The following CWC25 variants were observed in gnomAD, a reference collection of about 807,000 sequenced individuals.
CWC25 encodes the protein CWC25 spliceosome associated protein.
A neutral mutation model predicts 54.6 loss-of-function variants in CWC25; 31 were observed. That is an observed-to-expected ratio of 0.57 (90% CI 0.43 to 0.77). The LOEUF (loss-of-function observed/expected upper bound fraction) is 0.77. Ranked by LOEUF, CWC25 falls within the 30% of genes least tolerant of loss-of-function variation. The probability of loss-of-function intolerance (pLI) is 0.00; values close to 1 mark genes in which losing one functional copy is unlikely to be tolerated. For missense variants in CWC25, 453 were observed against 529.3 expected, an observed-to-expected ratio of 0.86 and a Z score of 1.41; for synonymous variants, 151 against 187.0, an observed-to-expected ratio of 0.81 and a Z score of 1.57.
intron 8 of CWC25, among the ~76,000 whole-genome samples, chr17:38,805,678 G>A (rs936876284): frequency 6.6e-6 from 1 of 152,218 alleles, no homozygotes; most frequent in Middle Eastern, 3.4e-3. Context: ...TGTCGCCCAA[G>A]CAAGAATGCA....
At chr17:38,820,831 A>G (rs1911890694) in intron 2 of CWC25, 70 bp downstream of exon 2, 2 of 1,523,924 alleles carry the variant, frequency 1.3e-6, no homozygotes, top group Admixed American at 3.9e-5. Context: ...ATTATACAAC[A>G]CTGGATGATG....
chr17:38,813,212 AG>A (rs1911559785), intron 3 of CWC25, among the ~76,000 whole-genome samples: 1 of 151,866 alleles, frequency 6.6e-6, no homozygotes, highest in South Asian at 2.1e-4. Context: ...CTGTAATCCC[AG>A]CACTTTGGGA....
chr17:38,805,576 A>C (rs1911201389), intron 8 of CWC25, among the ~76,000 whole-genome samples: 2 of 152,156 alleles, frequency 1.3e-5, no homozygotes. Context: ...GGACTCTCAA[A>C]CTGCTGGGAT....
intron 1 of CWC25, among the ~76,000 whole-genome samples, chr17:38,824,220 A>G (rs535709011): frequency 1.3e-5 from 2 of 152,274 alleles, no homozygotes; most frequent in South Asian, 4.1e-4. Flanking sequence ...CATTTACCCT[A>G]TTTGGGGCCT....
At chr17:38,814,765 AAAG>A in intron 3 of CWC25, 93 bp downstream of exon 3, 2 of 927,450 alleles carry the variant, frequency 2.2e-6, no homozygotes, top group Admixed American at 3.0e-5. Flanking sequence ...AAAAAAAAAA[AAAG>A]CGAAGAGAAA....
At chr17:38,821,608 C>G (rs537215284) in intron 1 of CWC25, among the ~76,000 whole-genome samples, 1 of 152,232 alleles carries the variant, frequency 6.6e-6, no homozygotes, top group Admixed American at 6.6e-5. Context: ...ACGGGTCCTT[C>G]CTGAATTCCC....
At chr17:38,809,891 CA>C (rs1169223466) in intron 5 of CWC25, 126 bp from the exon 6 acceptor site, 1 of 780,404 alleles carries the variant, frequency 1.3e-6, no homozygotes, top group East Asian at 2.7e-5. Context: ...AGTTACCTGG[CA>C]GTACGTTTCT....
At chr17:38,802,896 T>C in intron 8 of CWC25, 35 bp from the exon 9 acceptor site, 1 of 1,610,750 alleles carries the variant, frequency 6.2e-7, no homozygotes, top group Non-Finnish European at 8.5e-7. Flanking sequence ...TCAGGTCTCT[T>C]CCAGCAAAAA....
In CWC25 at chr17:38,815,120, A is replaced by G. The variant is rs755033303; in HGVS notation, c.192-23T>C. 4 of 1,597,798 alleles carry G rather than the reference A, an allele frequency of 2.5e-6. No homozygotes were observed. In the Admixed American group the frequency reaches 6.9e-5, roughly 28 times the overall value. On this transcript the variant is annotated intron_variant, in intron 2 of 9. Transcript: ENST00000614790. Reference sequence around the variant, plus strand: ...TTCCTGGTTCAAGGGAAGAAAAAGAAATACAATTTCTTTAAAAAGCAGACT... The same window carrying G: ...TTCCTGGTTCAAGGGAAGAAAAAGAGATACAATTTCTTTAAAAAGCAGACT...
intron 3 of CWC25, among the ~76,000 whole-genome samples, chr17:38,813,283 G>A (rs1157377596): frequency 6.6e-6 from 1 of 150,792 alleles, no homozygotes; most frequent in Non-Finnish European, 1.5e-5. Context: ...CCAACATGGT[G>A]AAACCTCGTC....
chr17:38,802,939 G>A (rs1911090504), intron 8 of CWC25, 78 bp from the exon 9 acceptor site: 1 of 1,554,266 alleles, frequency 6.4e-7, no homozygotes, highest in Non-Finnish European at 8.8e-7. Context: ...ACAGAAGCCA[G>A]GTGGGACCCC....
rs71138658 is a variant in CWC25, at chr17:38,814,745, C to CAAAA, written c.428+112_428+115dup. 9.7e-3 allele frequency: 4,500 copies of CAAAA among 462,052 alleles called. 171 individuals are homozygous for CAAAA. Among genetic ancestry groups the CAAAA allele is most frequent in the African/African-American group, 0.082 (1,848 of 22,506 alleles). The allele number at this position is 462,052 out of a possible 1,614,324, so 28.6% of individuals were successfully genotyped here. ...TGGGCGACAGAGCGAGACTCCGTCT[C>CAAAA]AAAAAAAAAAAAAAAAAAAAAAGCG... On this transcript the variant is annotated intron_variant, in intron 3 of 9. Transcript: ENST00000614790.
chr17:38,820,876 A>G (rs1312700881), intron 2 of CWC25, 25 bp downstream of exon 2: 1 of 1,597,914 alleles, frequency 6.3e-7, no homozygotes, highest in Non-Finnish European at 8.5e-7. Flanking sequence ...CCTACACACA[A>G]GCGCACCCCC....
intron 2 of CWC25, among the ~76,000 whole-genome samples, chr17:38,816,421 T>G (rs1050032463): frequency 2.0e-5 from 3 of 151,758 alleles, no homozygotes; most frequent in African/African-American, 7.3e-5. Flanking sequence ...GATTTTTTAT[T>G]TTTTCAATTT....
At chr17:38,816,674 G>A (rs1195538136) in intron 2 of CWC25, among the ~76,000 whole-genome samples, 1 of 149,202 alleles carries the variant, frequency 6.7e-6, no homozygotes, top group Non-Finnish European at 1.5e-5. Flanking sequence ...AACCAACACT[G>A]CAGGGCCATG....
rs1353675819 is a variant in CWC25 at position 38,802,682 on chromosome 17, G to A, written c.1163+18C>T. The A allele has an allele frequency of 3.7e-6, 6 of 1,613,320 alleles. No homozygotes were observed. The highest frequency in any genetic ancestry group is 5.1e-6 in the Non-Finnish European group (6 of 1,179,556). ...ACCTTCCCCATGAAAGACCCTGGCA[G>A]GAAGAAGATGCACTCACTGGATGAA... On this transcript the variant is annotated intron_variant, in intron 9 of 9. Transcript: ENST00000614790.
intron 7 of CWC25, 43 bp downstream of exon 7, chr17:38,806,722 C>G: frequency 6.7e-7 from 1 of 1,483,356 alleles, no homozygotes; most frequent in Non-Finnish European, 9.0e-7. Context: ...TGGGACCAGG[C>G]CCCCACAGTC....
chr17:38,817,855 A>G (rs969731152), intron 2 of CWC25, among the ~76,000 whole-genome samples: 1 of 151,970 alleles, frequency 6.6e-6, no homozygotes, highest in African/African-American at 2.4e-5. Flanking sequence ...AATCCCAGCT[A>G]CTCAGCAGAC....
At chr17:38,803,456 C>A (rs186420406) in intron 8 of CWC25, among the ~76,000 whole-genome samples, 5 of 152,084 alleles carry the variant, frequency 3.3e-5, no homozygotes, top group African/African-American at 1.2e-4. Context: ...ATGGGGAAAC[C>A]CTGTCTCTAC....
Sources: allele counts gnomAD v4.1 joint callset (sites outside exome capture counted in the v4.1 genomes callset), GRCh38; gene constraint gnomAD v4.1.1; transcripts MANE v1.5; gene names NCBI Gene and HGNC (gene_info 2026-07-23, HGNC 2026-07-21).